ZNF714: variants seen among roughly 807,000 people sequenced by gnomAD.
The protein encoded by ZNF714 is zinc finger protein 714.
ZNF714 carries 32 observed loss-of-function variants against 46.2 expected under a neutral mutation model. That is an observed-to-expected ratio of 0.69 (90% confidence interval 0.52 to 0.93). The LOEUF is 0.93. ZNF714 is among the 40% of genes least tolerant of loss of function. ZNF714 has a pLI of 0.00. For missense variants in ZNF714, 635 were observed against 646.3 expected (o/e 0.98, Z 0.19); for synonymous variants, 199 against 213.1 (o/e 0.93, Z 0.58).
chr19:21,109,272 G>C (rs1036416848), intron 4 of ZNF714, among the ~76,000 whole-genome samples: 2 of 151,990 alleles, frequency 1.3e-5, no homozygotes, highest in African/African-American at 4.8e-5. Flanking sequence ...AGGCTGGTTT[G>C]CAGTGGCATG....
At chr19:21,082,672 C>CT (rs1165306807) in intron 1 of ZNF714, among the ~76,000 whole-genome samples, 1 of 148,976 alleles carries the variant, frequency 6.7e-6, no homozygotes, top group Admixed American at 6.7e-5. Flanking sequence ...AGAATCCTGA[C>CT]TCGGGGTGCG....
At chr19:21,114,786 T>C (rs1416085121) in intron 4 of ZNF714, among the ~76,000 whole-genome samples, 1 of 152,166 alleles carries the variant, frequency 6.6e-6, no homozygotes, top group Non-Finnish European at 1.5e-5. Flanking sequence ...CTGGTAATGG[T>C]TTTTTTCTTC....
In ZNF714 at chr19:21,121,070, C is replaced by G. The variant is rs1249850407; in HGVS notation, c.*2738C>G. 1 of 152,166 alleles carries G rather than the reference C, an allele frequency of 6.6e-6. No homozygotes were observed. The highest frequency in any genetic ancestry group is 1.5e-5 in the Non-Finnish European group (1 of 68,050). The allele number at this position is 152,166 out of a possible 1,614,324, so 9.4% of individuals were successfully genotyped here. A position where few individuals can be genotyped will look rare whatever the true frequency, so the allele number is the denominator to read the frequency against. On this transcript the variant is annotated 3_prime_UTR_variant, in exon 5 of 5. Transcript: ENST00000456283. The stretch of plus-strand genomic sequence containing the variant: ...TTGTTGTTGTTGAGACGGAGTCTCG[C>G]TCTGTCGCCCAGGCTGGAGTGTGCA...
chr19:21,120,850 A>G lies in ZNF714; in HGVS notation c.*2518A>G, dbSNP rs1290328910. The G allele has an allele frequency of 6.6e-6, 1 of 152,120 alleles. No homozygotes were observed. The highest frequency in any genetic ancestry group is 1.5e-5 in the Non-Finnish European group (1 of 68,030). 9.4% of individuals were successfully genotyped at this position (152,120 alleles called of 1,614,324 possible). ...TTAAATTTTTATTTTGTTTTTAATC[A>G]TTTAAATTTAATTTTGGTGGGTACA... On this transcript the variant is annotated 3_prime_UTR_variant, in exon 5 of 5. Transcript: ENST00000456283.
chr19:21,103,859 A>T (rs1330797034), intron 4 of ZNF714, among the ~76,000 whole-genome samples: 1 of 152,196 alleles, frequency 6.6e-6, no homozygotes. Context: ...TTGCCACTGC[A>T]CTTCAGCTTG....
chr19:21,094,431 G>T (rs564278234), intron 2 of ZNF714, among the ~76,000 whole-genome samples: 45 of 152,328 alleles, frequency 3.0e-4, no homozygotes, highest in African/African-American at 1.0e-3. Flanking sequence ...TCAGTTCTGT[G>T]AGGAATCACC....
intron 1 of ZNF714, among the ~76,000 whole-genome samples, chr19:21,083,346 A>T (rs1371509161): frequency 1.3e-5 from 2 of 152,086 alleles, no homozygotes; most frequent in South Asian, 2.1e-4. Context: ...AGATTTTTTT[A>T]AAAGTAGGAA....
chr19:21,108,339 C>T (rs945827615), intron 4 of ZNF714, among the ~76,000 whole-genome samples: 2 of 152,172 alleles, frequency 1.3e-5, no homozygotes, highest in African/African-American at 4.8e-5. Context: ...TTGTACCTAT[C>T]TGTTAAGCCT....
intron 3 of ZNF714, among the ~76,000 whole-genome samples, 167 bp from the exon 4 acceptor site, chr19:21,098,645 A>T (rs369704491): frequency 6.6e-6 from 1 of 152,166 alleles, no homozygotes; most frequent in African/African-American, 2.4e-5. Context: ...GAAATTAAGG[A>T]CCTACAAATT....
intron 3 of ZNF714, 78 bp from the exon 4 acceptor site, chr19:21,098,734 A>G: frequency 1.2e-6 from 1 of 868,350 alleles, no homozygotes; most frequent in South Asian, 2.3e-5. Flanking sequence ...ATTCTATTAT[A>G]TCCTTTTTAC....
intron 4 of ZNF714, among the ~76,000 whole-genome samples, chr19:21,114,040 T>C (rs759236241): frequency 3.9e-5 from 6 of 152,220 alleles, no homozygotes; most frequent in Non-Finnish European, 7.3e-5. Context: ...TCTAAGAATG[T>C]GTTTTATGAA....
At chr19:21,109,603 GTAATT>G (rs1257754752) in intron 4 of ZNF714, 1 of 222,926 alleles carries the variant, frequency 4.5e-6, no homozygotes, top group Non-Finnish European at 7.5e-6. Flanking sequence ...TTAATTTAAT[GTAATT>G]TAATTTTATT....
At chr19:21,096,850 G>A (rs1450871007) in intron 2 of ZNF714, among the ~76,000 whole-genome samples, 1 of 149,850 alleles carries the variant, frequency 6.7e-6, no homozygotes, top group Non-Finnish European at 1.5e-5. Context: ...AAACAGGATG[G>A]CATTTATTTA....
Position 21,116,691 on chromosome 19 carries a change from G to A in ZNF714, c.143-116G>A, listed in dbSNP as rs918395909. The A allele has an allele frequency of 1.7e-5, 21 of 1,220,308 alleles. No homozygotes were observed. The South Asian group carries it at 2.9e-4, about 17-fold the overall frequency. The allele number at this position is 1,220,308 out of a possible 1,614,324, so 75.6% of individuals were successfully genotyped here. A position where few individuals can be genotyped will look rare whatever the true frequency, so the allele number is the denominator to read the frequency against. ...TATGTCTATGAAGGATTTAGGGCCT[G>A]TGGTATTTTATTATGGCATCTTGCT... On this transcript the variant is annotated intron_variant, in intron 4 of 4. Coordinates refer to ENST00000456283, the MANE Select transcript of ZNF714 (RefSeq NM_182515.4).
In ZNF714 at chr19:21,117,095, C is replaced by G; in HGVS notation, c.431C>G (p.Pro144Arg). The stretch of plus-strand genomic sequence containing the variant: ...AAGACAAGACATACTGGAGAGAAAC[C>G]TTTCAAATGTAAAAAATGTGATGAA... Reference protein sequence around the residue: ...RHKTRHTGEKPFKCKKCDESF... With the variant: ...RHKTRHTGEKRFKCKKCDESF... Residue 144 changes from proline (P) to arginine (R), a missense_variant, in exon 5 of 5, where the codon CCT (proline) becomes CGT (arginine). Physicochemically the swap from Pro to Arg is moderately radical, Grantham distance 103. Coordinates refer to ENST00000456283, the MANE Select transcript of ZNF714 (RefSeq NM_182515.4). The G allele has an allele frequency of 3.7e-6, 6 of 1,613,488 alleles. No homozygotes were observed. Among genetic ancestry groups the G allele is most frequent in the Non-Finnish European group, 5.1e-6 (6 of 1,179,688 alleles).
chr19:21,111,138 A>C (rs1022645160), intron 4 of ZNF714, among the ~76,000 whole-genome samples: 18 of 152,174 alleles, frequency 1.2e-4, no homozygotes, highest in African/African-American at 3.9e-4. Flanking sequence ...TATCAGTAGT[A>C]GTTTAGTCAG....
intron 4 of ZNF714, among the ~76,000 whole-genome samples, chr19:21,099,698 A>G (rs1344045519): frequency 1.3e-5 from 2 of 151,886 alleles, no homozygotes; most frequent in African/African-American, 4.8e-5. Context: ...TGCTTTGGCT[A>G]TTTGAAGTTT....
chr19:21,101,806 T>C (rs1007461253), intron 4 of ZNF714, among the ~76,000 whole-genome samples: 2 of 152,192 alleles, frequency 1.3e-5, no homozygotes, highest in African/African-American at 4.8e-5. Context: ...AATTCTCTGT[T>C]GGACCAAGTT....
intron 4 of ZNF714, among the ~76,000 whole-genome samples, chr19:21,112,718 T>C (rs1397606979): frequency 6.6e-6 from 1 of 151,668 alleles, no homozygotes; most frequent in Admixed American, 6.6e-5. Context: ...TATTTAGTGC[T>C]ATAAATTTCC....
Sources: allele counts gnomAD v4.1 joint callset (sites outside exome capture counted in the v4.1 genomes callset), GRCh38; gene constraint gnomAD v4.1.1; transcripts MANE v1.5; gene names NCBI Gene and HGNC (gene_info 2026-07-23, HGNC 2026-07-21).